The following SV2C variants were observed in gnomAD, a reference collection of about 807,000 sequenced individuals.
SV2C encodes the protein solute carrier family 22 member B3.
A neutral mutation model predicts 79.7 loss-of-function variants in SV2C; 49 were observed. The ratio of observed to expected loss-of-function variants is 0.61; its 90% CI spans 0.49 to 0.78. The LOEUF is 0.78. Among genes scored for constraint, SV2C ranks in the 30% least tolerant of loss-of-function variants. SV2C has a pLI of 0.00. For missense variants in SV2C, 833 were observed against 912.9 expected, an observed-to-expected ratio of 0.91 and a Z score of 1.13; for synonymous variants, 334 against 333.2, an observed-to-expected ratio of 1.00 and a Z score of -0.03.
chr5:75,941,916 C>T, the SV2C span, among the ~76,000 whole-genome samples: 1 of 152,242 alleles, frequency 6.6e-6, no homozygotes, highest in Non-Finnish European at 1.5e-5. Context: ...GAATGCTGCA[C>T]AGAGAGGCCA....
the SV2C span, among the ~76,000 whole-genome samples, chr5:75,877,952 AAAC>A: frequency 5.1e-5 from 6 of 117,066 alleles, no homozygotes; most frequent in East Asian, 6.8e-4. Context: ...AAAAAAAAAA[AAAC>A]AAGTTTCTCT....
intron 8 of SV2C, among the ~76,000 whole-genome samples, chr5:76,292,481 C>T (rs565465925): frequency 7.6e-4 from 116 of 152,242 alleles, no homozygotes; most frequent in African/African-American, 2.7e-3. Context: ...GGGTTTTTAA[C>T]TGCCTTGTTC....
chr5:76,042,420 A>C, the SV2C span, among the ~76,000 whole-genome samples: 1 of 152,244 alleles, frequency 6.6e-6, no homozygotes, highest in Non-Finnish European at 1.5e-5. Flanking sequence ...TAAAATACTT[A>C]GTTCAGTACC....
chr5:76,282,758 C>A (rs999216609), intron 4 of SV2C, among the ~76,000 whole-genome samples: 1 of 152,112 alleles, frequency 6.6e-6, no homozygotes, highest in Non-Finnish European at 1.5e-5. Flanking sequence ...ACTTGTAATC[C>A]CAGCACTTTG....
At chr5:75,877,772 A>C in the SV2C span, among the ~76,000 whole-genome samples, 3 of 152,208 alleles carry the variant, frequency 2.0e-5, no homozygotes, top group African/African-American at 7.2e-5. Context: ...TCTCATGTTG[A>C]AATGTAATTC....
chr5:76,274,725 A>G lies in SV2C; in HGVS notation c.914-10437A>G, dbSNP rs577573537. Among the ~76,000 whole-genome samples the G allele has an allele frequency of 2.6e-5, 4 of 151,214 alleles. No homozygotes were observed. In the South Asian group the frequency reaches 8.4e-4, roughly 32 times the overall value. The stretch of plus-strand genomic sequence containing the variant: ...TTTTACAAATTGAGAAGGAGATGAA[A>G]AATCTCTGCTGGTATTAGCAACAGG... On this transcript the variant is annotated intron_variant, in intron 4 of 12. Coordinates refer to ENST00000502798, the MANE Select transcript of SV2C (RefSeq NM_014979.4).
At chr5:75,939,635 C>T in the SV2C span, among the ~76,000 whole-genome samples, 1 of 152,170 alleles carries the variant, frequency 6.6e-6, no homozygotes, top group Non-Finnish European at 1.5e-5. Flanking sequence ...ACTGCACAGT[C>T]ACACTTCCCA....
At chr5:75,986,073 A>C in the SV2C span, among the ~76,000 whole-genome samples, 2 of 149,392 alleles carry the variant, frequency 1.3e-5, no homozygotes, top group Non-Finnish European at 3.0e-5. Context: ...AATATTTTAC[A>C]TACTAAAGTC....
chr5:75,994,937 TG>T, the SV2C span, among the ~76,000 whole-genome samples: 1 of 152,150 alleles, frequency 6.6e-6, no homozygotes, highest in Non-Finnish European at 1.5e-5. Context: ...GGGGAATCAA[TG>T]GTGTAGCTGA....
the SV2C span, among the ~76,000 whole-genome samples, chr5:76,058,370 G>A: frequency 6.6e-6 from 1 of 152,062 alleles, no homozygotes; most frequent in Non-Finnish European, 1.5e-5. Context: ...AAAACTTGTT[G>A]CAACACTTCG....
At chr5:76,308,779 T>C (rs1748303062) in intron 12 of SV2C, among the ~76,000 whole-genome samples, 1 of 152,160 alleles carries the variant, frequency 6.6e-6, no homozygotes, top group African/African-American at 2.4e-5. Flanking sequence ...TTGTTTTATA[T>C]ATAATGTGCA....
At chr5:75,981,452 A>G in the SV2C span, among the ~76,000 whole-genome samples, 1 of 152,198 alleles carries the variant, frequency 6.6e-6, no homozygotes, top group African/African-American at 2.4e-5. Context: ...GCATCACACT[A>G]CCCAACTTCA....
intron 2 of SV2C, among the ~76,000 whole-genome samples, chr5:76,142,145 T>G (rs1477033355): frequency 5.9e-5 from 9 of 152,218 alleles, no homozygotes; most frequent in African/African-American, 2.2e-4. Flanking sequence ...CTAACACACA[T>G]ATTTGCAAAC....
In SV2C at chr5:76,332,055, T is replaced by C. The variant is rs540100701; in HGVS notation, c.*6508T>C. 6.6e-6 allele frequency: 1 copy of C among 152,318 alleles called. No individual in the cohort carries two copies. The highest frequency in any genetic ancestry group is 1.9e-4 in the East Asian group (1 of 5,184). 9.4% of individuals were successfully genotyped at this position (152,318 alleles called of 1,614,324 possible). ...TTCATTGGCTAGTGGAGGTAGATGGTACTCTCCATGTCTGCAGAAGATTCC... is the reference window on the plus strand; with the variant it reads ...TTCATTGGCTAGTGGAGGTAGATGGCACTCTCCATGTCTGCAGAAGATTCC... On this transcript the variant is annotated 3_prime_UTR_variant, in exon 13 of 13. Transcript: ENST00000502798.
chr5:76,230,170 G>T (rs1175844615), intron 4 of SV2C, among the ~76,000 whole-genome samples: 1 of 152,166 alleles, frequency 6.6e-6, no homozygotes, highest in Non-Finnish European at 1.5e-5. Context: ...GGACTATATC[G>T]TGTTGTCATT....
At chr5:76,053,362 A>G in the SV2C span, among the ~76,000 whole-genome samples, 1 of 152,212 alleles carries the variant, frequency 6.6e-6, no homozygotes, top group African/African-American at 2.4e-5. Flanking sequence ...TTAGTCCAGA[A>G]CGTGTGAGCC....
chr5:76,171,740 T>A (rs1157491153), intron 2 of SV2C, among the ~76,000 whole-genome samples: 1 of 99,376 alleles, frequency 1.0e-5, no homozygotes, highest in Non-Finnish European at 2.1e-5. Context: ...TGGCCAGCCG[T>A]GCCGTCCGGG....
At chr5:75,998,969 G>A in the SV2C span, among the ~76,000 whole-genome samples, 1 of 152,116 alleles carries the variant, frequency 6.6e-6, no homozygotes, top group African/African-American at 2.4e-5. Context: ...AGTTTTAATT[G>A]GACTTACAAT....
intron 3 of SV2C, among the ~76,000 whole-genome samples, chr5:76,201,548 T>G (rs973127048): frequency 4.6e-5 from 7 of 152,210 alleles, no homozygotes; most frequent in African/African-American, 1.4e-4. Context: ...TTCATAGCTA[T>G]TTGCAATATT....
Sources: allele counts gnomAD v4.1 joint callset (sites outside exome capture counted in the v4.1 genomes callset), GRCh38; gene constraint gnomAD v4.1.1; transcripts MANE v1.5; gene names NCBI Gene and HGNC (gene_info 2026-07-23, HGNC 2026-07-21).